The following GRID1 variants were observed in gnomAD, a reference collection of about 807,000 sequenced individuals.
The protein encoded by GRID1 is glutamate ionotropic receptor delta type subunit 1.
In GRID1, 28 loss-of-function variants were observed where a neutral mutation model predicts 98.0. The ratio of observed to expected loss-of-function variants is 0.29; its 90% CI spans 0.21 to 0.39. GRID1 has a LOEUF of 0.39. GRID1 is among the 10% of genes least tolerant of loss of function. The probability of loss-of-function intolerance (pLI) is 1.00; values close to 1 mark genes in which losing one functional copy is unlikely to be tolerated. For missense variants in GRID1, 1,111 were observed against 1,340.5 expected, an observed-to-expected ratio of 0.83 and a Z score of 2.67; for synonymous variants, 553 against 538.5, an observed-to-expected ratio of 1.03 and a Z score of -0.37.
At chr10:85,630,270 C>T (rs529446847) in intron 13 of GRID1, among the ~76,000 whole-genome samples, 29 of 152,274 alleles carry the variant, frequency 1.9e-4, no homozygotes, top group African/African-American at 6.5e-4. Flanking sequence ...CCTTGGCCAG[C>T]TATCTAAGCC....
chr10:85,807,827 T>C (rs1300534044), intron 8 of GRID1, among the ~76,000 whole-genome samples: 1 of 152,176 alleles, frequency 6.6e-6, no homozygotes, highest in East Asian at 1.9e-4. Flanking sequence ...TATAAGTTGA[T>C]TTTTTAAGTT....
intron 2 of GRID1, among the ~76,000 whole-genome samples, chr10:86,310,888 C>G (rs1847823297): frequency 6.6e-6 from 1 of 152,200 alleles, no homozygotes; most frequent in African/African-American, 2.4e-5. Flanking sequence ...AGCCTGTTAT[C>G]TCTCAGCTCA....
chr10:86,361,914 T>C (rs1288368764), intron 2 of GRID1, among the ~76,000 whole-genome samples: 2 of 152,220 alleles, frequency 1.3e-5, no homozygotes, highest in African/African-American at 4.8e-5. Context: ...CATCCTTGTG[T>C]GTTACCTGCA....
intron 2 of GRID1, among the ~76,000 whole-genome samples, chr10:86,227,075 G>A (rs1019221113): frequency 3.3e-5 from 5 of 152,230 alleles, no homozygotes; most frequent in African/African-American, 9.6e-5. Flanking sequence ...CAAAGCCACA[G>A]AGTCAAGAAA....
At chr10:85,656,751 T>C (rs1335084582) in intron 12 of GRID1, among the ~76,000 whole-genome samples, 2 of 152,218 alleles carry the variant, frequency 1.3e-5, no homozygotes, top group East Asian at 1.9e-4. Context: ...TCTATCAAGA[T>C]ACATCTAGAA....
At chr10:85,912,593 TG>T (rs964180650) in intron 5 of GRID1, among the ~76,000 whole-genome samples, 43 of 152,200 alleles carry the variant, frequency 2.8e-4, no homozygotes, top group Non-Finnish European at 3.2e-4. Flanking sequence ...GAGAGGGAGC[TG>T]GGGGCACAGC....
intron 4 of GRID1, among the ~76,000 whole-genome samples, chr10:85,968,864 G>A (rs780185466): frequency 5.3e-5 from 8 of 152,164 alleles, no homozygotes; most frequent in Non-Finnish European, 1.2e-4. Flanking sequence ...TACATTAAAT[G>A]TAAATGAATT....
intron 8 of GRID1, 38 bp downstream of exon 8, chr10:85,854,458 T>C (rs775102910): frequency 1.9e-6 from 3 of 1,606,258 alleles, no homozygotes; most frequent in Non-Finnish European, 2.6e-6. Flanking sequence ...GGTGGCACCA[T>C]AGCAGGAAGA....
Position 85,602,287 on chromosome 10 carries a change from C to T in GRID1, c.3016G>A (p.Gly1006Arg), listed in dbSNP as rs747803426. 12 of 1,519,282 alleles carry T rather than the reference C, an allele frequency of 7.9e-6. No homozygotes were observed. The highest frequency in any genetic ancestry group is 4.2e-5 in the African/African-American group (3 of 71,982). The allele number at this position is 1,519,282 out of a possible 1,614,324, so 94.1% of individuals were successfully genotyped here. The change falls in exon 16 of 16, where the codon GGG (glycine) becomes AGG (arginine). Residue 1006 changes from glycine to arginine, a missense_variant. Gly to Arg is a moderately radical substitution (Grantham distance 125). Around this residue, in one of 3 missense-constraint regions of GRID1, gnomAD observed 762 missense variants for 869.1 expected, o/e 0.88. Transcript: ENST00000327946. The part of the protein sequence containing the change: ...VLPEALDTSH[G>R]TSI ...AGGCGGCGCAGTCAGATGGAGGTCC[C>T]GTGGGAGGTGTCCAGAGCCTCTGGA...
At chr10:85,879,936 G>A (rs1478083159) in intron 5 of GRID1, among the ~76,000 whole-genome samples, 2 of 151,920 alleles carry the variant, frequency 1.3e-5, no homozygotes, top group African/African-American at 2.4e-5. Context: ...ATGATAAAGG[G>A]TATATCACCA....
chr10:85,982,431 T>C (rs1334899725), intron 4 of GRID1, among the ~76,000 whole-genome samples: 2 of 152,202 alleles, frequency 1.3e-5, no homozygotes, highest in Non-Finnish European at 2.9e-5. Context: ...CCAGGTGCTA[T>C]ATGGAAAATT....
At chr10:86,062,495 C>T (rs898623874) in intron 4 of GRID1, among the ~76,000 whole-genome samples, 5 of 152,144 alleles carry the variant, frequency 3.3e-5, no homozygotes, top group Admixed American at 6.5e-5. Context: ...GACTCCTCTG[C>T]GAGCACCTTC....
At chr10:85,680,411 A>G (rs1478604920) in intron 12 of GRID1, among the ~76,000 whole-genome samples, 3 of 152,194 alleles carry the variant, frequency 2.0e-5, no homozygotes, top group African/African-American at 7.2e-5. Context: ...GATCATGGCC[A>G]ACTCCTGATG....
chr10:86,279,844 T>C (rs116747862), intron 2 of GRID1, among the ~76,000 whole-genome samples: 1 of 152,198 alleles, frequency 6.6e-6, no homozygotes, highest in African/African-American at 2.4e-5. Context: ...CTTAGAAAAT[T>C]TGATGGAATC....
chr10:85,719,707 C>T (rs1210040076), intron 12 of GRID1, among the ~76,000 whole-genome samples: 4 of 151,842 alleles, frequency 2.6e-5, no homozygotes, highest in Non-Finnish European at 4.4e-5. Flanking sequence ...GGTTGAGATT[C>T]GGGTGGGGGC....
chr10:85,659,879 A>G (rs1840945851), intron 12 of GRID1, among the ~76,000 whole-genome samples: 1 of 152,158 alleles, frequency 6.6e-6, no homozygotes, highest in East Asian at 1.9e-4. Context: ...GGAAATTATG[A>G]AGTTTTTGAA....
chr10:86,224,189 C>G (rs1846305054), intron 2 of GRID1, among the ~76,000 whole-genome samples: 1 of 150,938 alleles, frequency 6.6e-6, no homozygotes, highest in South Asian at 2.1e-4. Context: ...CCAGCATACA[C>G]AGATGCACAC....
At chr10:86,038,306 A>G (rs1477394544) in intron 4 of GRID1, among the ~76,000 whole-genome samples, 2 of 152,220 alleles carry the variant, frequency 1.3e-5, no homozygotes, top group Non-Finnish European at 2.9e-5. Flanking sequence ...AGAGATGCAT[A>G]TGATTGGCTC....
chr10:86,168,493 T>C (rs1224565770), intron 3 of GRID1, among the ~76,000 whole-genome samples: 2 of 152,134 alleles, frequency 1.3e-5, no homozygotes, highest in East Asian at 3.9e-4. Context: ...CGGGATCCCA[T>C]GACAATCTCC....
Sources: gnomAD v4.1 joint callset for allele counts (sites outside exome capture counted in the v4.1 genomes callset) on GRCh38, gnomAD v4.1.1 for gene constraint, gnomAD v4.1.1 regional missense constraint, MANE v1.5 for transcripts, NCBI Gene and HGNC (gene_info 2026-07-23, HGNC 2026-07-21) for gene names.